MARCHF7: variants seen among roughly 807,000 people sequenced by gnomAD.
MARCHF7 encodes E3 ubiquitin-protein ligase MARCHF7.
A neutral mutation model predicts 76.5 loss-of-function variants in MARCHF7; 20 were observed. The ratio of observed to expected loss-of-function variants is 0.26; its 90% CI spans 0.18 to 0.38. The LOEUF (loss-of-function observed/expected upper bound fraction) is 0.38, where lower values mean the gene tolerates loss of function less well. Ranked by LOEUF, MARCHF7 falls within the 10% of genes least tolerant of loss-of-function variation. The pLI is 1.00. For missense variants in MARCHF7, 797 were observed against 812.9 expected, an observed-to-expected ratio of 0.98 and a Z score of 0.24; for synonymous variants, 295 against 293.0, an observed-to-expected ratio of 1.01 and a Z score of -0.07.
At chr2:159,742,829 C>G (rs1704303734) in intron 4 of MARCHF7, among the ~76,000 whole-genome samples, 1 of 152,024 alleles carries the variant, frequency 6.6e-6, no homozygotes, top group South Asian at 2.1e-4. Context: ...GCCAGCTACT[C>G]AGGAGGCTGA....
intron 3 of MARCHF7, among the ~76,000 whole-genome samples, chr2:159,725,395 T>C (rs1702053031): frequency 6.6e-6 from 1 of 152,218 alleles, no homozygotes; most frequent in South Asian, 2.1e-4. Flanking sequence ...TGAGATGGTG[T>C]CTCGTTGTGG....
At chr2:159,752,594 T>C (rs1705785430) in intron 8 of MARCHF7, 23 bp downstream of exon 8, 2 of 1,435,954 alleles carry the variant, frequency 1.4e-6, no homozygotes, top group Non-Finnish European at 1.8e-6. Flanking sequence ...CTTTTGTGTT[T>C]TCACAATTTT....
intron 3 of MARCHF7, among the ~76,000 whole-genome samples, chr2:159,719,958 A>G (rs1701450025): frequency 1.3e-5 from 2 of 152,166 alleles, no homozygotes; most frequent in African/African-American, 4.8e-5. Flanking sequence ...CCTTCAGAGT[A>G]TTCCAGTAGT....
At chr2:159,730,491 T>C (rs1702656519) in intron 4 of MARCHF7, among the ~76,000 whole-genome samples, 1 of 152,214 alleles carries the variant, frequency 6.6e-6, no homozygotes, top group Admixed American at 6.5e-5. Context: ...AAAATGCTCA[T>C]ATCTACTACC....
chr2:159,754,810 T>C (rs1042358884), intron 8 of MARCHF7, among the ~76,000 whole-genome samples: 1 of 152,148 alleles, frequency 6.6e-6, no homozygotes, highest in African/African-American at 2.4e-5. Flanking sequence ...CCTGTGTTAA[T>C]TGCATCTGTT....
intron 8 of MARCHF7, among the ~76,000 whole-genome samples, chr2:159,754,098 T>C (rs1256270305): frequency 6.6e-6 from 1 of 152,230 alleles, no homozygotes; most frequent in Non-Finnish European, 1.5e-5. Context: ...GGAGATACAC[T>C]GAAAGTTAGT....
At chr2:159,733,653 A>G (rs564955865) in intron 4 of MARCHF7, 1 of 985,414 alleles carries the variant, frequency 1.0e-6, no homozygotes, top group Admixed American at 6.1e-5. Context: ...CTTCAGAGAA[A>G]AGAGGGTCAG....
chr2:159,745,851 G>C lies in MARCHF7; in HGVS notation c.428G>C (p.Arg143Thr), dbSNP rs750655907. The C allele has an allele frequency of 6.2e-7, 1 of 1,612,560 alleles. No homozygotes were observed. The highest frequency in any genetic ancestry group is 8.5e-7 in the Non-Finnish European group (1 of 1,179,004). ...GSFGTDLMRE[R>T]RDLERRTDSS... is the part of the protein sequence containing the mutation. The stretch of plus-strand genomic sequence containing the variant: ...TTTGGAACAGACTTAATGAGAGAGA[G>C]GAGAGATTTGGAGAGAAGAACAGAT... The change falls in exon 6 of 12, where the codon AGG (arginine) becomes ACG (threonine). Residue 143 changes from arginine to threonine, a missense_variant. By Grantham distance (71) the Arg-to-Thr change is moderately conservative. Transcript: ENST00000409175.
At chr2:159,748,960 A>AT in intron 7 of MARCHF7, 57 bp downstream of exon 7, 1 of 1,283,466 alleles carries the variant, frequency 7.8e-7, no homozygotes, top group Non-Finnish European at 1.0e-6. Context: ...AGAACTCTTC[A>AT]TTTCTTTTTT....
chr2:159,734,550 T>A (rs1458732893), intron 4 of MARCHF7, among the ~76,000 whole-genome samples: 1 of 151,176 alleles, frequency 6.6e-6, no homozygotes, highest in East Asian at 1.9e-4. Flanking sequence ...ATATGGAGAG[T>A]GGGTCAGAAT....
intron 4 of MARCHF7, among the ~76,000 whole-genome samples, chr2:159,730,681 A>G (rs561986791): frequency 6.6e-6 from 1 of 152,218 alleles, no homozygotes; most frequent in Admixed American, 6.5e-5. Flanking sequence ...TAGAAATGTC[A>G]TGGTGACATA....
chr2:159,769,712 A>G lies in MARCHF7; in HGVS notation c.*2370A>G, dbSNP rs114038657. 4.6e-3 allele frequency: 704 copies of G among 152,318 alleles called. 11 individuals are homozygous for G. The highest frequency in any genetic ancestry group is 0.016 in the African/African-American group (670 of 41,560). 9.4% of individuals were successfully genotyped at this position (152,318 alleles called of 1,614,324 possible). On this transcript the variant is annotated 3_prime_UTR_variant, in exon 12 of 12. Coordinates refer to ENST00000409175, the MANE Select transcript of MARCHF7 (RefSeq NM_001282805.2). ...TGTTGAAAAATGAAACCAAATATTG[A>G]AAATTAAATCAGAGTTTAAAGCAGC...
chr2:159,751,525 G>A (rs1249138398), intron 7 of MARCHF7, among the ~76,000 whole-genome samples: 2 of 152,150 alleles, frequency 1.3e-5, no homozygotes, highest in East Asian at 3.8e-4. Context: ...CCCAGGGCAT[G>A]AAAGTCTCCT....
In MARCHF7 at chr2:159,766,768, T is replaced by C. The variant is rs530118242; in HGVS notation, c.2057-516T>C. On this transcript the variant is annotated intron_variant, in intron 11 of 11. Coordinates refer to ENST00000409175, the MANE Select transcript of MARCHF7 (RefSeq NM_001282805.2). ...GTGTCTATATGAAGCTTTTTTGACT[T>C]ACTAAATGAACTTTTATCTTGGCAT... Among the ~76,000 whole-genome samples the C allele has an allele frequency of 1.4e-4, 21 of 152,296 alleles. No homozygotes were observed. In the South Asian group the frequency reaches 3.1e-3, roughly 23 times the overall value.
chr2:159,732,844 A>G, intron 4 of MARCHF7: 1 of 984,960 alleles, frequency 1.0e-6, no homozygotes, highest in Middle Eastern at 5.2e-4. Context: ...TATTTTATTT[A>G]TCTGTATTTT....
At position 159,747,534 on chromosome 2, in the gene MARCHF7, A is replaced by AT. The variant is rs200324540; in HGVS notation, c.515-267dup. On this transcript the variant is annotated intron_variant, in intron 6 of 11. Coordinates refer to ENST00000409175, the MANE Select transcript of MARCHF7 (RefSeq NM_001282805.2). ...CTGATCAATAAATTCAGCTGTTTTA[A>AT]TTTTATCAAATAAAATTTTCATAAG... 8.4e-3 allele frequency among the ~76,000 whole-genome samples: 1,273 copies of AT among 152,260 alleles called. 18 individuals are homozygous for AT. Among genetic ancestry groups the AT allele is most frequent in the South Asian group, 0.022 (107 of 4,830 alleles).
At chr2:159,717,510 A>G (rs1022513697) in intron 3 of MARCHF7, among the ~76,000 whole-genome samples, 2 of 132,250 alleles carry the variant, frequency 1.5e-5, no homozygotes, top group African/African-American at 5.6e-5. Flanking sequence ...AAAATTTTTC[A>G]TGATAAAAAC....
In MARCHF7 at chr2:159,767,424, G is replaced by A; in HGVS notation, c.*82G>A. On this transcript the variant is annotated 3_prime_UTR_variant, in exon 12 of 12. Transcript: ENST00000409175. ...TTAAATATAAATTACTTTTGTGGGG[G>A]AATGCCTAATAAATACATTGACTAT... 1 of 966,756 alleles carries A rather than the reference G, an allele frequency of 1.0e-6. No homozygotes were observed. The allele number at this position is 966,756 out of a possible 1,614,324, so 59.9% of individuals were successfully genotyped here. A position where few individuals can be genotyped will look rare whatever the true frequency, so the allele number is the denominator to read the frequency against.
At chr2:159,739,662 A>G (rs1281728156) in intron 4 of MARCHF7, among the ~76,000 whole-genome samples, 1 of 152,224 alleles carries the variant, frequency 6.6e-6, no homozygotes, top group African/African-American at 2.4e-5. Context: ...TCCGAGGGAA[A>G]AAAACAATTG....
Sources: gnomAD v4.1 joint callset for allele counts (sites outside exome capture counted in the v4.1 genomes callset) on GRCh38, gnomAD v4.1.1 for gene constraint, MANE v1.5 for transcripts, NCBI Gene and HGNC (gene_info 2026-07-23, HGNC 2026-07-21) for gene names.